The following ZNF730 variants were observed in gnomAD, a reference collection of about 807,000 sequenced individuals.
ZNF730 encodes zinc finger protein 730.
Under a neutral mutation model 12.6 loss-of-function variants are expected in ZNF730, and 12 were observed. That is an observed-to-expected ratio of 0.95 (90% CI 0.61 to 1.54). The LOEUF is 1.54. Ranked by LOEUF, ZNF730 falls within the 40% of genes most tolerant of loss-of-function variation. The pLI is 0.00. For synonymous variants in ZNF730, 194 were observed against 195.8 expected (o/e 0.99, Z 0.08); for missense variants, 643 against 583.5 (o/e 1.10, Z -1.05).
At chr19:23,111,361 T>C (rs988244614) in intron 1 of ZNF730, among the ~76,000 whole-genome samples, 1 of 152,334 alleles carries the variant, frequency 6.6e-6, no homozygotes, top group East Asian at 1.9e-4. Context: ...GTTGATGTTA[T>C]AACAGTAACT....
intron 1 of ZNF730, among the ~76,000 whole-genome samples, chr19:23,111,495 C>G (rs1200281483): frequency 6.6e-6 from 1 of 152,044 alleles, no homozygotes; most frequent in East Asian, 1.9e-4. Flanking sequence ...GCCTGTAATC[C>G]CAGCAGTTTT....
chr19:23,078,227 A>G (rs961162568), intron 1 of ZNF730, among the ~76,000 whole-genome samples: 3 of 151,906 alleles, frequency 2.0e-5, no homozygotes, highest in African/African-American at 7.3e-5. Flanking sequence ...AGAGGAAGGC[A>G]TCTGTCTCCA....
intron 1 of ZNF730, among the ~76,000 whole-genome samples, chr19:23,110,670 A>G (rs944591834): frequency 1.3e-5 from 2 of 152,166 alleles, no homozygotes; most frequent in Non-Finnish European, 1.5e-5. Flanking sequence ...AAATTGTAAA[A>G]TATAGTGTCT....
At chr19:23,089,940 A>G (rs1358354091) in intron 1 of ZNF730, among the ~76,000 whole-genome samples, 2 of 152,254 alleles carry the variant, frequency 1.3e-5, no homozygotes, top group African/African-American at 4.8e-5. Flanking sequence ...TGATAGTGAT[A>G]TGAACAATAA....
intron 1 of ZNF730, chr19:23,100,325 C>T (rs1243765888): frequency 2.6e-5 from 4 of 152,126 alleles, no homozygotes; most frequent in Non-Finnish European, 4.4e-5. Flanking sequence ...ACTGTCATAC[C>T]TCGAAGAAAG....
chr19:23,136,492 T>C (rs1304095438), intron 3 of ZNF730, among the ~76,000 whole-genome samples: 1 of 152,068 alleles, frequency 6.6e-6, no homozygotes, highest in Non-Finnish European at 1.5e-5. Context: ...GCAACCTCTG[T>C]CTCTCGGATT....
intron 1 of ZNF730, chr19:23,127,843 A>G (rs1483472303): frequency 1.5e-6 from 1 of 664,290 alleles, no homozygotes; most frequent in Non-Finnish European, 2.7e-6. Context: ...ATATTGTCAG[A>G]TTGCTTATAC....
chr19:23,076,154 A>G (rs892072010), intron 1 of ZNF730, among the ~76,000 whole-genome samples: 3 of 152,180 alleles, frequency 2.0e-5, no homozygotes, highest in Non-Finnish European at 4.4e-5. Context: ...ATATGAGACC[A>G]ACTTCCCCTG....
At chr19:23,110,424 G>A (rs1239485437) in intron 1 of ZNF730, among the ~76,000 whole-genome samples, 2 of 142,478 alleles carry the variant, frequency 1.4e-5, no homozygotes, top group East Asian at 4.3e-4. Context: ...TTACAGGCAT[G>A]CACCACCATG....
At chr19:23,127,980 C>T in intron 1 of ZNF730, 1 of 737,018 alleles carries the variant, frequency 1.4e-6, no homozygotes, top group Non-Finnish European at 2.5e-6. Flanking sequence ...CCTGCAGGCT[C>T]CTCAGTAGGT....
In ZNF730 at chr19:23,088,554, A is replaced by T. The variant is rs571962895; in HGVS notation, c.-94+13167A>T. Among the ~76,000 whole-genome samples, 4 of 150,578 alleles carry T rather than the reference A, an allele frequency of 2.7e-5. No homozygotes were observed. The East Asian group carries it at 8.1e-4, about 30-fold the overall frequency. On this transcript the variant is annotated intron_variant, in intron 1 of 2. Coordinates refer to the ZNF730 transcript ENST00000593635. ...CATGATCTCAGTGCAGCCTCCACCT[A>T]CTGGGCTCAAGAGATTCTCCCACCT...
chr19:23,137,561 T>C (rs148495265), intron 3 of ZNF730, among the ~76,000 whole-genome samples: 219 of 152,364 alleles, frequency 1.4e-3, no homozygotes, highest in African/African-American at 5.0e-3. Flanking sequence ...TCAGTGACTT[T>C]AAAAATTTAT....
intron 1 of ZNF730, among the ~76,000 whole-genome samples, chr19:23,085,763 G>T (rs550379693): frequency 1.4e-5 from 2 of 145,884 alleles, no homozygotes; most frequent in African/African-American, 5.1e-5. Context: ...TGGTCCACCC[G>T]CCTTTGTCTC....
At position 23,145,554 on chromosome 19, in the gene ZNF730, G is replaced by A. The variant is rs1436501080; in HGVS notation, c.510G>A (p.Lys170=). The A allele has an allele frequency of 1.3e-6, 2 of 1,551,442 alleles. No individual in the cohort carries two copies. Among genetic ancestry groups the A allele is most frequent in the Admixed American group, 4.0e-5 (2 of 49,910 alleles). ...SNRHKIRHTS[K]KPFKCKECGK... ...GACATAAGATAAGACATACTTCGAA[G>A]AAACCTTTCAAATGTAAAGAATGTG... The change falls in exon 4 of 4, where the codon AAG becomes AAA. Residue 170 remains lysine (K), a synonymous_variant. Coordinates refer to ENST00000597761, the MANE Select transcript of ZNF730 (RefSeq NM_001277403.2).
At chr19:23,110,338 G>A (rs898069390) in intron 1 of ZNF730, among the ~76,000 whole-genome samples, 9 of 139,348 alleles carry the variant, frequency 6.5e-5, no homozygotes, top group African/African-American at 2.5e-4. Context: ...GTGCAGTGGT[G>A]TGATCTTGGC....
Position 23,129,218 on chromosome 19 carries a change from G to A in ZNF730, c.4-4862G>A, listed in dbSNP as rs544585302. 2.1e-3 allele frequency among the ~76,000 whole-genome samples: 313 copies of A among 152,242 alleles called. 1 individual carries two copies. Among genetic ancestry groups the A allele is most frequent in the African/African-American group, 7.1e-3 (296 of 41,544 alleles). On this transcript the variant is annotated intron_variant, in intron 1 of 3. Coordinates refer to ENST00000597761, the MANE Select transcript of ZNF730 (RefSeq NM_001277403.2). ...CACACAGAGTCCTTACTGGGGCACC[G>A]CCTAGTGGAGCTGTGAGAAGAGGGC...
At chr19:23,117,392 G>A (rs894367022) in intron 1 of ZNF730, among the ~76,000 whole-genome samples, 3 of 152,160 alleles carry the variant, frequency 2.0e-5, no homozygotes, top group African/African-American at 7.2e-5. Flanking sequence ...CACTGTGACT[G>A]TGCCCTGCCC....
intron 1 of ZNF730, among the ~76,000 whole-genome samples, chr19:23,093,249 T>C (rs1970187603): frequency 1.3e-5 from 2 of 152,260 alleles, no homozygotes; most frequent in African/African-American, 2.4e-5. Flanking sequence ...GTGCTAGGAT[T>C]ACAGGCATGA....
intron 3 of ZNF730, among the ~76,000 whole-genome samples, chr19:23,140,065 A>ATGTGTG (rs149378177): frequency 2.7e-5 from 4 of 149,846 alleles, no homozygotes; most frequent in African/African-American, 9.8e-5. Flanking sequence ...CAATCAGATT[A>ATGTGTG]TGTGTGTGTG....
Sources: gnomAD v4.1 joint callset for allele counts (sites outside exome capture counted in the v4.1 genomes callset) on GRCh38, gnomAD v4.1.1 for gene constraint, MANE v1.5 for transcripts, NCBI Gene and HGNC (gene_info 2026-07-23, HGNC 2026-07-21) for gene names.